Variants in SGIP1 observed in about 807,000 individuals in gnomAD.
The protein encoded by SGIP1 is SH3GL interacting endocytic adaptor 1, also known as SH3-containing GRB2-like protein 3-interacting protein 1.
In SGIP1, 38 loss-of-function variants were observed where a neutral mutation model predicts 107.5. The ratio of observed to expected loss-of-function variants is 0.35; its 90% confidence interval spans 0.27 to 0.46. The LOEUF is 0.46. Among genes scored for constraint, SGIP1 ranks in the 20% least tolerant of loss-of-function variants. The pLI is 1.00. For missense variants in SGIP1, 929 were observed against 1,019.5 expected (o/e 0.91, Z 1.21); for synonymous variants, 365 against 366.1 (o/e 1.00, Z 0.03).
rs774847338 is a variant in SGIP1, at chr1:66,679,721, C to T, written c.783C>T (p.Pro261=). The change falls in exon 14 of 25, where the codon CCC becomes CCT. Residue 261 remains proline, a synonymous_variant. Coordinates refer to ENST00000371037, the MANE Select transcript of SGIP1 (RefSeq NM_032291.4). ...CAAAAAATGTACCAGCTACCCCACC[C>T]CGAACAGGATCCCCCTTAACAATTG... ...LPPKNVPATP[P]RTGSPLTIGP... The T allele has an allele frequency of 1.2e-6, 2 of 1,605,662 alleles. No individual in the cohort carries two copies. Among genetic ancestry groups the T allele is most frequent in the Non-Finnish European group, 1.7e-6 (2 of 1,177,858 alleles).
At chr1:66,692,952 A>G (rs1331412478) in intron 17 of SGIP1, among the ~76,000 whole-genome samples, 1 of 152,210 alleles carries the variant, frequency 6.6e-6, no homozygotes, top group Non-Finnish European at 1.5e-5. Flanking sequence ...GAGCTCCTAT[A>G]CAACTGCCTT....
intron 18 of SGIP1, among the ~76,000 whole-genome samples, chr1:66,704,037 C>T (rs1358803859): frequency 6.6e-6 from 1 of 152,004 alleles, no homozygotes; most frequent in Non-Finnish European, 1.5e-5. Context: ...GCAGCTCTTT[C>T]ACAGGGCTGT....
chr1:66,590,912 T>C (rs1417497701), intron 1 of SGIP1, among the ~76,000 whole-genome samples: 1 of 152,202 alleles, frequency 6.6e-6, no homozygotes. Flanking sequence ...AAATGAGAAA[T>C]ACATTTTCTT....
chr1:66,728,996 C>T (rs1347833390), intron 19 of SGIP1, among the ~76,000 whole-genome samples: 2 of 151,864 alleles, frequency 1.3e-5, no homozygotes, highest in Non-Finnish European at 2.9e-5. Flanking sequence ...AAAAAAAAAA[C>T]TGTCAAATAC....
At chr1:66,636,279 G>T (rs544887451) in intron 4 of SGIP1, among the ~76,000 whole-genome samples, 1 of 152,264 alleles carries the variant, frequency 6.6e-6, no homozygotes, top group East Asian at 1.9e-4. Flanking sequence ...CAAAGGACAG[G>T]AATTCAAATT....
rs150875572 is a variant in SGIP1, at chr1:66,610,352, G to C, written c.11-15495G>C. Among the ~76,000 whole-genome samples the C allele has an allele frequency of 3.2e-3, 488 of 152,248 alleles. 2 individuals are homozygous for C. The highest frequency in any genetic ancestry group is 0.011 in the African/African-American group (463 of 41,542). ...ATACCTCTCATATTTAATGAAGCAA[G>C]TTGGTAAAGCATACCAAACTGAAGT... On this transcript the variant is annotated intron_variant, in intron 1 of 24. Coordinates refer to ENST00000371037, the MANE Select transcript of SGIP1 (RefSeq NM_032291.4).
At chr1:66,655,351 A>G (rs2079539611) in intron 7 of SGIP1, among the ~76,000 whole-genome samples, 1 of 152,112 alleles carries the variant, frequency 6.6e-6, no homozygotes, top group Non-Finnish European at 1.5e-5. Flanking sequence ...CACTTTCTCA[A>G]GGAAGCCTAC....
chr1:66,671,021 TA>T lies in SGIP1; in HGVS notation c.508+4del. On this transcript the variant is annotated splice_donor_region_variant and intron_variant, in intron 10 of 24. Coordinates refer to ENST00000371037, the MANE Select transcript of SGIP1 (RefSeq NM_032291.4). ...GTGCAATTAAAAGGAACTTATCCAG[TA>T]AGTATATCTTAGCTACCAGAAATAG... 1 of 1,386,282 alleles carries T rather than the reference TA, an allele frequency of 7.2e-7. No homozygotes were observed. Among genetic ancestry groups the T allele is most frequent in the Non-Finnish European group, 1.0e-6 (1 of 1,002,790 alleles). The allele number at this position is 1,386,282 out of a possible 1,614,324, so 85.9% of individuals were successfully genotyped here. A position where few individuals can be genotyped will look rare whatever the true frequency, so the allele number is the denominator to read the frequency against.
At chr1:66,632,463 C>T (rs961288923) in intron 2 of SGIP1, among the ~76,000 whole-genome samples, 5 of 152,116 alleles carry the variant, frequency 3.3e-5, no homozygotes, top group Admixed American at 6.6e-5. Flanking sequence ...GGAGGCAATT[C>T]AGGACCATTC....
intron 18 of SGIP1, among the ~76,000 whole-genome samples, chr1:66,709,183 C>T (rs1350343224): frequency 6.8e-6 from 1 of 146,116 alleles, no homozygotes; most frequent in Admixed American, 6.9e-5. Context: ...CCTCCCCCAG[C>T]CCCCCACCCC....
intron 2 of SGIP1, among the ~76,000 whole-genome samples, chr1:66,630,831 GA>G (rs1411549450): frequency 4.8e-4 from 3 of 6,296 alleles, no homozygotes; most frequent in African/African-American, 2.2e-3. Context: ...AAGAAAGAAA[GA>G]AAGAAAGAAA....
At chr1:66,739,043 C>T (rs1358037445) in intron 21 of SGIP1, among the ~76,000 whole-genome samples, 5 of 152,096 alleles carry the variant, frequency 3.3e-5, no homozygotes, top group African/African-American at 4.8e-5. Context: ...GAACTCACAC[C>T]TGGGACTGTC....
rs754272255 is a variant in SGIP1, at chr1:66,673,357, A to G, written c.637A>G (p.Lys213Glu). The change falls in exon 12 of 25, where the codon AAG becomes GAG. Residue 213 changes from lysine (K) to glutamate (E), a missense_variant. Lys to Glu is a moderately conservative substitution (Grantham distance 56). Coordinates refer to ENST00000371037, the MANE Select transcript of SGIP1 (RefSeq NM_032291.4). Reference sequence around the variant, plus strand: ...ACTAGAATCAGCTTTTGATGAACAGAAGACAGAAGGTAGGAAAAGAAACTC... The same window carrying G: ...ACTAGAATCAGCTTTTGATGAACAGGAGACAGAAGGTAGGAAAAGAAACTC... Reference protein sequence around the residue: ...PPLESAFDEQKTEVLLDQPEI... With the variant: ...PPLESAFDEQETEVLLDQPEI... 1.2e-6 allele frequency: 2 copies of G among 1,602,302 alleles called. No individual in the cohort carries two copies. The highest frequency in any genetic ancestry group is 1.1e-5 in the South Asian group (1 of 87,780).
At chr1:66,562,353 A>C (rs1021080707) in intron 1 of SGIP1, among the ~76,000 whole-genome samples, 1 of 152,040 alleles carries the variant, frequency 6.6e-6, no homozygotes, top group Admixed American at 6.6e-5. Context: ...GGTTTCAGGG[A>C]GATAAAATTC....
At chr1:66,741,514 T>G in intron 24 of SGIP1, 78 bp downstream of exon 24, 1 of 1,369,148 alleles carries the variant, frequency 7.3e-7, no homozygotes, top group Non-Finnish European at 9.6e-7. Context: ...GGTTGTGATT[T>G]TCTCATCTTT....
intron 1 of SGIP1, among the ~76,000 whole-genome samples, chr1:66,598,976 A>G (rs891297711): frequency 6.6e-6 from 1 of 152,232 alleles, no homozygotes; most frequent in Non-Finnish European, 1.5e-5. Context: ...TGTAGAAAAA[A>G]TGTACAGAAA....
intron 1 of SGIP1, among the ~76,000 whole-genome samples, chr1:66,564,086 T>C (rs1334308970): frequency 6.6e-6 from 1 of 152,000 alleles, no homozygotes; most frequent in Non-Finnish European, 1.5e-5. Flanking sequence ...TGGAGCGGCT[T>C]AGATTGAAGT....
chr1:66,641,592 G>A (rs58418199), intron 5 of SGIP1, among the ~76,000 whole-genome samples: 20,808 of 152,016 alleles, frequency 0.14, 1,465 homozygotes, highest in African/African-American at 0.16. Context: ...GAGAAATGGC[G>A]TCTGATTTCT....
rs189249041 is a variant in SGIP1, at chr1:66,637,370, T to C, written c.171+1355T>C. Among the ~76,000 whole-genome samples the C allele has an allele frequency of 1.4e-4, 22 of 152,160 alleles. No homozygotes were observed. In the East Asian group the frequency reaches 4.1e-3, roughly 28 times the overall value. On this transcript the variant is annotated intron_variant, in intron 4 of 24. Coordinates refer to ENST00000371037, the MANE Select transcript of SGIP1 (RefSeq NM_032291.4). ...TGGCCTAACTTTAACTTGATAATTTTCACTTGGGAAACCAAAGATATTTGT... is the reference window on the plus strand; with the variant it reads ...TGGCCTAACTTTAACTTGATAATTTCCACTTGGGAAACCAAAGATATTTGT...
Sources: gnomAD v4.1 joint callset for allele counts (sites outside exome capture counted in the v4.1 genomes callset) on GRCh38, gnomAD v4.1.1 for gene constraint, MANE v1.5 for transcripts, NCBI Gene and HGNC (gene_info 2026-07-23, HGNC 2026-07-21) for gene names.